Variants in UNC5B observed in about 807,000 individuals in gnomAD.
UNC5B encodes the protein unc-5 netrin receptor B, also known as netrin receptor UNC5B.
In UNC5B, 56 loss-of-function variants were observed where a neutral mutation model predicts 103.7. The ratio of observed to expected loss-of-function variants is 0.54; its 90% CI spans 0.44 to 0.67. UNC5B has a LOEUF of 0.67. Among genes scored for constraint, UNC5B ranks in the 30% least tolerant of loss-of-function variants. The pLI is 0.00. For missense variants in UNC5B, 1,194 were observed against 1,284.5 expected, an observed-to-expected ratio of 0.93 and a Z score of 1.08; for synonymous variants, 577 against 542.0, an observed-to-expected ratio of 1.06 and a Z score of -0.90.
In UNC5B at chr10:71,293,528, C is replaced by G. The variant is rs1160013139; in HGVS notation, c.1896C>G (p.Asp632Glu). The change falls in exon 12 of 17, where the codon GAC becomes GAG. Residue 632 changes from aspartate to glutamate, a missense_variant. By Grantham distance (45) the Asp-to-Glu change is conservative. Coordinates refer to ENST00000335350, the MANE Select transcript of UNC5B (RefSeq NM_170744.5). The part of the protein sequence containing the change: ...MPHCAEVSAR[D>E]WIFQLKTQAH... ...ACTGTGCCGAAGTCAGTGCCCGTGA[C>G]TGGATCTTTCAGCTCAAGACCCAGG... 1 of 1,614,008 alleles carries G rather than the reference C, an allele frequency of 6.2e-7. No individual in the cohort carries two copies. Among genetic ancestry groups the G allele is most frequent in the Admixed American group, 1.7e-5 (1 of 60,028 alleles).
intron 1 of UNC5B, among the ~76,000 whole-genome samples, chr10:71,233,418 C>T (rs932409703): frequency 5.9e-5 from 9 of 152,298 alleles, no homozygotes; most frequent in Admixed American, 5.2e-4. Context: ...AAAATGTTGC[C>T]CAGAATAACA....
At chr10:71,255,403 C>A (rs1392166664) in intron 1 of UNC5B, among the ~76,000 whole-genome samples, 1 of 152,192 alleles carries the variant, frequency 6.6e-6, no homozygotes, top group African/African-American at 2.4e-5. Context: ...TGTTCATGGG[C>A]CCACAGGGTG....
At chr10:71,226,900 A>G (rs10450287) in intron 1 of UNC5B, among the ~76,000 whole-genome samples, 28,654 of 152,066 alleles carry the variant, frequency 0.19, 3,600 homozygotes, top group African/African-American at 0.37. Context: ...ATAGATATAT[A>G]TACCATGGAA....
intron 15 of UNC5B, among the ~76,000 whole-genome samples, chr10:71,297,034 G>C (rs746878280): frequency 2.8e-5 from 4 of 143,054 alleles, no homozygotes; most frequent in Non-Finnish European, 6.3e-5. Flanking sequence ...ACAGCACTGT[G>C]GCATAGGTGA....
intron 1 of UNC5B, among the ~76,000 whole-genome samples, chr10:71,239,443 C>G (rs1843844257): frequency 6.6e-6 from 1 of 152,108 alleles, no homozygotes; most frequent in African/African-American, 2.4e-5. Flanking sequence ...GGTCGCCCGT[C>G]CTGACTGAGC....
At chr10:71,294,780 G>A (rs1252948033) in intron 13 of UNC5B, among the ~76,000 whole-genome samples, 4 of 151,572 alleles carry the variant, frequency 2.6e-5, no homozygotes, top group Non-Finnish European at 5.9e-5. Context: ...GAAGGGGAGG[G>A]AAGGGTCTTT....
intron 1 of UNC5B, among the ~76,000 whole-genome samples, chr10:71,231,728 G>C (rs1843688272): frequency 6.6e-6 from 1 of 152,046 alleles, no homozygotes; most frequent in South Asian, 2.1e-4. Context: ...TTGGGCATAT[G>C]AATTTTGACA....
In UNC5B at chr10:71,296,037, G is replaced by A. The variant is rs368772306; in HGVS notation, c.2325+77G>A. 4.3e-4 allele frequency: 691 copies of A among 1,593,728 alleles called. 11 individuals carry two copies. The East Asian group carries it at 0.013, about 30-fold the overall frequency. Reference sequence around the variant, plus strand: ...GAAGCCCAGCTCCCTCCCGGGCCCTGCCTCCTAGCTCTGTCCTGTGGCCTT... The same window carrying A: ...GAAGCCCAGCTCCCTCCCGGGCCCTACCTCCTAGCTCTGTCCTGTGGCCTT... On this transcript the variant is annotated intron_variant, in intron 14 of 16. Coordinates refer to ENST00000335350, the MANE Select transcript of UNC5B (RefSeq NM_170744.5).
At chr10:71,214,610 G>A (rs1843296048) in intron 1 of UNC5B, among the ~76,000 whole-genome samples, 1 of 152,134 alleles carries the variant, frequency 6.6e-6, no homozygotes, top group Admixed American at 6.6e-5. Context: ...TGAAGTCTCT[G>A]TAAATGGCAC....
intron 1 of UNC5B, among the ~76,000 whole-genome samples, chr10:71,227,707 T>TAC (rs57747777): frequency 0.1 from 12,834 of 127,940 alleles, 681 homozygotes; most frequent in East Asian, 0.18. Flanking sequence ...TACACACATA[T>TAC]ACACACACAC....
intron 1 of UNC5B, among the ~76,000 whole-genome samples, chr10:71,229,102 T>A (rs1225310853): frequency 6.6e-6 from 1 of 152,188 alleles, no homozygotes; most frequent in African/African-American, 2.4e-5. Context: ...CTTTATAAAA[T>A]GCAGACTCCT....
chr10:71,270,748 T>C (rs1283030053), intron 1 of UNC5B, among the ~76,000 whole-genome samples: 1 of 152,094 alleles, frequency 6.6e-6, no homozygotes, highest in Admixed American at 6.5e-5. Flanking sequence ...TCCTCCCAGA[T>C]GGGACCTGAA....
chr10:71,227,713 C>CAT (rs1564707158), intron 1 of UNC5B, among the ~76,000 whole-genome samples: 1,822 of 123,436 alleles, frequency 0.015, 48 homozygotes, highest in African/African-American at 0.048. Flanking sequence ...CATATACACA[C>CAT]ACACACACAC....
chr10:71,216,428 G>A (rs1207832209), intron 1 of UNC5B, among the ~76,000 whole-genome samples: 1 of 152,218 alleles, frequency 6.6e-6, no homozygotes, highest in East Asian at 1.9e-4. Flanking sequence ...CAGGAGTGAA[G>A]CTCTGAGACC....
intron 2 of UNC5B, among the ~76,000 whole-genome samples, chr10:71,281,481 C>T (rs1564729629): frequency 6.6e-6 from 1 of 152,084 alleles, no homozygotes; most frequent in East Asian, 1.9e-4. Context: ...GCTGGGACTA[C>T]AGGCGCGTGC....
At chr10:71,297,844 G>C (rs894345681) in intron 15 of UNC5B, 65 bp from the exon 16 acceptor site, 336 of 1,520,254 alleles carry the variant, frequency 2.2e-4, no homozygotes, top group Non-Finnish European at 2.9e-4. Context: ...AGTCCAAGGG[G>C]AGGGAGGCTG....
chr10:71,229,025 G>C (rs1031293442), intron 1 of UNC5B, among the ~76,000 whole-genome samples: 1 of 152,184 alleles, frequency 6.6e-6, no homozygotes. Context: ...CAATGCCCAG[G>C]GAGTGCTGGA....
intron 1 of UNC5B, among the ~76,000 whole-genome samples, chr10:71,223,838 G>T (rs1301108730): frequency 6.6e-6 from 1 of 152,216 alleles, no homozygotes; most frequent in Non-Finnish European, 1.5e-5. Context: ...GCAAGTGTGG[G>T]CTGAGCAGGT....
chr10:71,294,019 C>A (rs1845343998), intron 13 of UNC5B, 86 bp downstream of exon 13: 4 of 1,276,526 alleles, frequency 3.1e-6, no homozygotes, highest in Non-Finnish European at 4.2e-6. Flanking sequence ...GCTCATGGGT[C>A]CTCCCAGGAA....
Sources: gnomAD v4.1 joint callset for allele counts (sites outside exome capture counted in the v4.1 genomes callset) on GRCh38, gnomAD v4.1.1 for gene constraint, MANE v1.5 for transcripts, NCBI Gene and HGNC (gene_info 2026-07-23, HGNC 2026-07-21) for gene names.